MSI2: variants seen among roughly 807,000 people sequenced by gnomAD.
MSI2 encodes RNA-binding protein Musashi homolog 2.
In MSI2, 17 loss-of-function variants were observed where a neutral mutation model predicts 45.6. The ratio of observed to expected loss-of-function variants is 0.37; its 90% CI spans 0.26 to 0.56. The LOEUF is 0.56. MSI2 is among the 20% of genes least tolerant of loss of function. The probability of loss-of-function intolerance (pLI) is 0.77; values close to 1 mark genes in which losing one functional copy is unlikely to be tolerated. For missense variants in MSI2, 293 were observed against 444.2 expected (o/e 0.66, Z 3.06); for synonymous variants, 156 against 158.2 (o/e 0.99, Z 0.11).
chr17:57,422,962 A>G lies in MSI2; in HGVS notation c.405+21491A>G, dbSNP rs149954976. ...ATAGACACTGGTCTCTGGACTGGTG[A>G]CACTTCAGGAGGCTCCAGATGACTG... is the stretch of plus-strand genomic sequence containing the variant. On this transcript the variant is annotated intron_variant, in intron 6 of 13. Coordinates refer to ENST00000284073, the MANE Select transcript of MSI2 (RefSeq NM_138962.4). 2.9e-3 allele frequency among the ~76,000 whole-genome samples: 436 copies of G among 152,206 alleles called. 7 individuals are homozygous for G. The highest frequency in any genetic ancestry group is 0.02 in the Admixed American group (302 of 15,288).
At chr17:57,275,986 GAGAGAA>G (rs1386075692) in intron 5 of MSI2, among the ~76,000 whole-genome samples, 1 of 152,112 alleles carries the variant, frequency 6.6e-6, no homozygotes, top group African/African-American at 2.4e-5. Context: ...ATTATCCTTG[GAGAGAA>G]AGAGTCTTGG....
intron 6 of MSI2, among the ~76,000 whole-genome samples, chr17:57,452,225 T>C (rs1423355669): frequency 1.3e-5 from 2 of 152,240 alleles, no homozygotes; most frequent in African/African-American, 4.8e-5. Flanking sequence ...TAGTCTTCTT[T>C]CCGGTGGCTC....
intron 9 of MSI2, among the ~76,000 whole-genome samples, chr17:57,617,131 G>T (rs1246594506): frequency 6.6e-6 from 1 of 152,224 alleles, no homozygotes; most frequent in Non-Finnish European, 1.5e-5. Flanking sequence ...CTACTTGTCT[G>T]AGGAAATAAC....
intron 6 of MSI2, among the ~76,000 whole-genome samples, chr17:57,476,209 G>T (rs2085534337): frequency 6.6e-6 from 1 of 152,152 alleles, no homozygotes; most frequent in East Asian, 1.9e-4. Context: ...GCTCCCTCTG[G>T]TTAATAGCCT....
chr17:57,382,217 A>G lies in MSI2; in HGVS notation c.313-19162A>G, dbSNP rs1330345125. Among the ~76,000 whole-genome samples the G allele has an allele frequency of 2.0e-5, 3 of 152,246 alleles. No individual in the cohort carries two copies. The East Asian group carries it at 5.8e-4, about 29-fold the overall frequency. ...GGGAATACATCTGTGGACAAAACAG[A>G]CAAAATTCCTGACCAGAAAGCTTAC... is the stretch of plus-strand genomic sequence containing the variant. On this transcript the variant is annotated intron_variant, in intron 5 of 13. Coordinates refer to ENST00000284073, the MANE Select transcript of MSI2 (RefSeq NM_138962.4).
intron 9 of MSI2, among the ~76,000 whole-genome samples, chr17:57,618,556 T>G (rs1164071013): frequency 6.6e-6 from 1 of 152,146 alleles, no homozygotes; most frequent in Non-Finnish European, 1.5e-5. Context: ...TCTTTCTTTT[T>G]TTTCTTGAGA....
chr17:57,338,050 T>C (rs1042721784), intron 5 of MSI2, among the ~76,000 whole-genome samples: 1 of 152,198 alleles, frequency 6.6e-6, no homozygotes, highest in African/African-American at 2.4e-5. Flanking sequence ...GTTTTAAATA[T>C]ACCTTACCGC....
At chr17:57,511,551 G>T (rs1439199687) in intron 6 of MSI2, among the ~76,000 whole-genome samples, 3 of 152,160 alleles carry the variant, frequency 2.0e-5, no homozygotes, top group Admixed American at 6.5e-5. Context: ...CTGGAGCGGG[G>T]TGTTGCCCTG....
rs1282307021 is a variant in MSI2, at chr17:57,648,173, GTGTGTGTGTT to G, written c.728-3922_728-3913del. Reference sequence around the variant, plus strand: ...TGTGTGTGTGTGTGTGTGTGTGTGTGTGTGTGTGTTTGTAGTGACAGGGTTTTCCCATGTT... The same window carrying G: ...TGTGTGTGTGTGTGTGTGTGTGTGTGTGTAGTGACAGGGTTTTCCCATGTT... On this transcript the variant is annotated intron_variant, in intron 10 of 13. Coordinates refer to ENST00000284073, the MANE Select transcript of MSI2 (RefSeq NM_138962.4). Among the ~76,000 whole-genome samples the G allele has an allele frequency of 2.0e-4, 30 of 147,700 alleles. 1 individual carries two copies. The highest frequency in any genetic ancestry group is 7.7e-4 in the African/African-American group (30 of 39,158).
At chr17:57,358,888 T>C (rs772210203) in intron 5 of MSI2, among the ~76,000 whole-genome samples, 1 of 152,072 alleles carries the variant, frequency 6.6e-6, no homozygotes, top group Non-Finnish European at 1.5e-5. Context: ...GTATCATCTT[T>C]TGAGGAGTGT....
chr17:57,564,815 A>T (rs150146913), intron 7 of MSI2, among the ~76,000 whole-genome samples: 59 of 152,320 alleles, frequency 3.9e-4, no homozygotes, highest in African/African-American at 1.3e-3. Context: ...TGCAGTTATG[A>T]ACCCCTGCTG....
intron 7 of MSI2, among the ~76,000 whole-genome samples, chr17:57,563,149 GC>G (rs1406919508): frequency 6.7e-6 from 1 of 149,982 alleles, no homozygotes; most frequent in African/African-American, 2.5e-5. Flanking sequence ...GGGTCCATGT[GC>G]AGTTTTGTTA....
chr17:57,440,451 T>TGTGTGTGG (rs2084778556), intron 6 of MSI2, among the ~76,000 whole-genome samples: 1 of 149,628 alleles, frequency 6.7e-6, no homozygotes, highest in Admixed American at 6.6e-5. Flanking sequence ...TGTGTGTGTG[T>TGTGTGTGG]GTGTGTGTGT....
At chr17:57,486,850 G>A (rs277065) in intron 6 of MSI2, among the ~76,000 whole-genome samples, 126,359 of 152,186 alleles carry the variant, frequency 0.83, 52,604 homozygotes, top group East Asian at 0.89. Flanking sequence ...AAAGCTCCAC[G>A]AAGGCTGCAA....
chr17:57,446,191 C>A (rs796292668), intron 6 of MSI2, among the ~76,000 whole-genome samples: 1 of 152,116 alleles, frequency 6.6e-6, no homozygotes, highest in African/African-American at 2.4e-5. Flanking sequence ...GCATAGCCTT[C>A]AGAGAGGCAT....
At chr17:57,285,769 G>A in intron 5 of MSI2, 1 of 1,213,256 alleles carries the variant, frequency 8.2e-7, no homozygotes, top group Non-Finnish European at 1.1e-6. Context: ...TATTTTCTTA[G>A]CAAGCATCAT....
chr17:57,474,448 T>A (rs116442396), intron 6 of MSI2, among the ~76,000 whole-genome samples: 2,055 of 152,244 alleles, frequency 0.013, 34 homozygotes, highest in African/African-American at 0.047. Context: ...TGATTCTTTG[T>A]CGTGGGCACT....
intron 5 of MSI2, among the ~76,000 whole-genome samples, chr17:57,339,228 G>C (rs891614995): frequency 7.9e-5 from 12 of 152,208 alleles, no homozygotes; most frequent in Admixed American, 2.6e-4. Context: ...TGAGCAGAGG[G>C]TGAGTGGTGG....
chr17:57,440,030 A>C (rs981661978), intron 6 of MSI2, among the ~76,000 whole-genome samples: 1 of 152,146 alleles, frequency 6.6e-6, no homozygotes, highest in Non-Finnish European at 1.5e-5. Flanking sequence ...TGAGTGATCT[A>C]TCTCCACTGT....
Sources: gnomAD v4.1 joint callset for allele counts (sites outside exome capture counted in the v4.1 genomes callset) on GRCh38, gnomAD v4.1.1 for gene constraint, MANE v1.5 for transcripts, NCBI Gene and HGNC (gene_info 2026-07-23, HGNC 2026-07-21) for gene names.